Variants in RALGPS1 observed in about 807,000 individuals in gnomAD.
RALGPS1 encodes ras-specific guanine nucleotide-releasing factor RalGPS1.
In RALGPS1, 19 loss-of-function variants were observed where a neutral mutation model predicts 78.8. The observed-to-expected ratio is 0.24, with a 90% CI of 0.17 to 0.35. RALGPS1 has a LOEUF of 0.35. Ranked by LOEUF, RALGPS1 falls within the 10% of genes least tolerant of loss-of-function variation. RALGPS1 has a pLI of 1.00. For synonymous variants in RALGPS1, 228 were observed against 256.3 expected (o/e 0.89, Z 1.06); for missense variants, 454 against 688.3 (o/e 0.66, Z 3.81).
intron 8 of RALGPS1, among the ~76,000 whole-genome samples, chr9:127,123,384 C>T (rs1006530713): frequency 1.3e-5 from 2 of 152,210 alleles, no homozygotes; most frequent in African/African-American, 4.8e-5. Flanking sequence ...TTCCATGCAT[C>T]GGTAAATGAG....
At chr9:127,146,813 A>G (rs952950703) in intron 8 of RALGPS1, among the ~76,000 whole-genome samples, 1 of 152,156 alleles carries the variant, frequency 6.6e-6, no homozygotes. Context: ...CAAAGTGCTG[A>G]GATTACAGGT....
At position 127,069,237 on chromosome 9, in the gene RALGPS1, A is replaced by G. The variant is rs2049977036; in HGVS notation, c.491A>G (p.Asn164Ser). 1 of 1,605,930 alleles carries G rather than the reference A, an allele frequency of 6.2e-7. No homozygotes were observed. Among genetic ancestry groups the G allele is most frequent in the Middle Eastern group, 1.7e-4 (1 of 6,050 alleles). ...ATTTTCTTCTCATTCTAGCTTTTAA[A>G]TCGAAAAGACAAGACTACCTTTGAG... ...FRLTKTWALL[N>S]RKDKTTFEKL... Residue 164 changes from asparagine to serine, a missense_variant, in exon 8 of 19, where the codon AAT becomes AGT. Asn to Ser is a conservative substitution (Grantham distance 46). Transcript: ENST00000259351.
intron 18 of RALGPS1, chr9:127,216,022 G>A (rs571253079): frequency 5.2e-5 from 8 of 152,430 alleles, no homozygotes; most frequent in African/African-American, 1.9e-4. Flanking sequence ...CCTCAGCAAA[G>A]GCAAGTTCAT....
At chr9:127,100,754 G>T (rs1182485642) in intron 8 of RALGPS1, among the ~76,000 whole-genome samples, 2 of 152,226 alleles carry the variant, frequency 1.3e-5, no homozygotes, top group Non-Finnish European at 2.9e-5. Context: ...ACAATCCACA[G>T]ATATGGACAG....
intron 4 of RALGPS1, among the ~76,000 whole-genome samples, chr9:127,000,215 A>T (rs1588939438): frequency 1.3e-5 from 2 of 152,000 alleles, no homozygotes; most frequent in East Asian, 3.9e-4. Flanking sequence ...ATTTCAGTTC[A>T]TATTCTTTCT....
chr9:127,187,470 G>A (rs192776183), intron 11 of RALGPS1, among the ~76,000 whole-genome samples: 72 of 152,302 alleles, frequency 4.7e-4, no homozygotes, highest in Non-Finnish European at 4.9e-4. Flanking sequence ...TGTAAAATGG[G>A]GCTACTAAGA....
intron 4 of RALGPS1, among the ~76,000 whole-genome samples, chr9:127,015,182 C>T (rs867452432): frequency 6.6e-6 from 1 of 152,138 alleles, no homozygotes; most frequent in Non-Finnish European, 1.5e-5. Context: ...CAATGCCTGC[C>T]CAGGCTGACA....
At chr9:126,980,897 A>G in intron 4 of RALGPS1, among the ~76,000 whole-genome samples, 1 of 152,202 alleles carries the variant, frequency 6.6e-6, no homozygotes, top group Non-Finnish European at 1.5e-5. Flanking sequence ...CCATTGTGTA[A>G]GCAATATAGT....
At chr9:127,154,709 C>T (rs1426643064) in intron 8 of RALGPS1, among the ~76,000 whole-genome samples, 1 of 152,162 alleles carries the variant, frequency 6.6e-6, no homozygotes, top group African/African-American at 2.4e-5. Flanking sequence ...CATCTGCCTC[C>T]ATTATTATTT....
intron 1 of RALGPS1, among the ~76,000 whole-genome samples, chr9:126,956,654 C>G (rs549376915): frequency 1.3e-5 from 2 of 152,238 alleles, no homozygotes; most frequent in East Asian, 3.9e-4. Flanking sequence ...AGCTATGCTC[C>G]CTGGGGAGCC....
intron 14 of RALGPS1, among the ~76,000 whole-genome samples, chr9:127,209,628 C>A (rs1588578490): frequency 6.6e-6 from 1 of 152,268 alleles, no homozygotes. Context: ...GGCTCGGGGG[C>A]CTGGAGCAGC....
At chr9:126,928,230 G>A (rs2035480134) in intron 1 of RALGPS1, among the ~76,000 whole-genome samples, 1 of 152,154 alleles carries the variant, frequency 6.6e-6, no homozygotes, top group Non-Finnish European at 1.5e-5. Flanking sequence ...TAGGACAAAG[G>A]CACAGATCCA....
At chr9:127,039,657 G>T (rs2047127012) in intron 5 of RALGPS1, among the ~76,000 whole-genome samples, 1 of 152,186 alleles carries the variant, frequency 6.6e-6, no homozygotes. Flanking sequence ...GGTGGAAGAA[G>T]CCAAGACCTG....
chr9:127,127,222 A>T (rs2056679370), intron 8 of RALGPS1, among the ~76,000 whole-genome samples: 1 of 152,138 alleles, frequency 6.6e-6, no homozygotes, highest in Admixed American at 6.5e-5. Flanking sequence ...TCTGTTTCAG[A>T]TTCATTCTTC....
chr9:127,016,557 T>C (rs1429530670), intron 4 of RALGPS1: 3 of 152,166 alleles, frequency 2.0e-5, no homozygotes, highest in Non-Finnish European at 4.4e-5. Flanking sequence ...TCCTTGTAGG[T>C]CTTTTTTTGT....
At chr9:126,994,433 A>G (rs993371718) in intron 4 of RALGPS1, among the ~76,000 whole-genome samples, 5 of 152,228 alleles carry the variant, frequency 3.3e-5, no homozygotes, top group Non-Finnish European at 7.3e-5. Context: ...GGTATCAGTG[A>G]TGGAAGATGA....
chr9:127,011,671 A>G (rs2133911147), intron 4 of RALGPS1, among the ~76,000 whole-genome samples: 1 of 152,006 alleles, frequency 6.6e-6, no homozygotes, highest in South Asian at 2.1e-4. Context: ...AGTTAGGTTG[A>G]CTCTCCCTCT....
chr9:127,034,583 C>A, intron 5 of RALGPS1, 69 bp downstream of exon 5: 1 of 1,407,996 alleles, frequency 7.1e-7, no homozygotes, highest in Non-Finnish European at 1.0e-6. Flanking sequence ...GGCTGCGAGC[C>A]CCCACCCAAA....
Position 127,154,843 on chromosome 9 carries a change from G to A in RALGPS1, c.611-11226G>A, listed in dbSNP as rs921079063. ...CTCACTCTCTGGCCGGGATCCTGGTGGCCTCGGACGTTTGGGGAGCCTTTC... is the reference window on the plus strand; with the variant it reads ...CTCACTCTCTGGCCGGGATCCTGGTAGCCTCGGACGTTTGGGGAGCCTTTC... On this transcript the variant is annotated intron_variant, in intron 8 of 18. Transcript: ENST00000259351. Among the ~76,000 whole-genome samples, 9 of 152,172 alleles carry A rather than the reference G, an allele frequency of 5.9e-5. No individual in the cohort carries two copies. The South Asian group carries it at 6.2e-4, about 11-fold the overall frequency.
Sources: allele counts gnomAD v4.1 joint callset (sites outside exome capture counted in the v4.1 genomes callset), GRCh38; gene constraint gnomAD v4.1.1; transcripts MANE v1.5; gene names NCBI Gene and HGNC (gene_info 2026-07-23, HGNC 2026-07-21).